The following OPCML variants were observed in gnomAD, a reference collection of about 807,000 sequenced individuals.
OPCML encodes opioid-binding protein/cell adhesion molecule.
OPCML carries 13 observed loss-of-function variants against 37.8 expected under a neutral mutation model. That is an observed-to-expected ratio of 0.34 (90% CI 0.22 to 0.55). The LOEUF (loss-of-function observed/expected upper bound fraction) is 0.55, where lower values mean the gene tolerates loss of function less well. Among genes scored for constraint, OPCML ranks in the 20% least tolerant of loss-of-function variants. The pLI is 0.91. For synonymous variants in OPCML, 176 were observed against 168.8 expected, an observed-to-expected ratio of 1.04 and a Z score of -0.33; for missense variants, 341 against 435.6, an observed-to-expected ratio of 0.78 and a Z score of 1.93.
intron 1 of OPCML, chr11:133,004,155 A>G (rs1947062980): frequency 3.0e-6 from 3 of 985,356 alleles, no homozygotes; most frequent in Non-Finnish European, 3.6e-6. Flanking sequence ...CAGCCCAGAG[A>G]GTGGGTCTCA....
chr11:133,440,246 A>G (rs1462272275), intron 1 of OPCML, among the ~76,000 whole-genome samples: 1 of 151,854 alleles, frequency 6.6e-6, no homozygotes. Context: ...TAAAAATACA[A>G]AAATTAACCA....
rs565504682 is a variant in OPCML, at chr11:133,452,577, C to T, written c.61+79687G>A. 1.5e-4 allele frequency among the ~76,000 whole-genome samples: 22 copies of T among 151,190 alleles called. 1 individual carries two copies. The highest frequency in any genetic ancestry group is 6.3e-4 in the South Asian group (3 of 4,792). ...CTTGTAGTTCCAGCACTTTGGGGGC[C>T]GAAGTAGGAGGATTGCTTGAGCCCA... On this transcript the variant is annotated intron_variant, in intron 1 of 7. Transcript: ENST00000524381.
chr11:133,455,747 A>T (rs1048363641), intron 1 of OPCML, among the ~76,000 whole-genome samples: 4 of 152,166 alleles, frequency 2.6e-5, no homozygotes, highest in East Asian at 1.9e-4. Context: ...CATTAAATAA[A>T]ATATCTGCAG....
chr11:132,774,498 C>T (rs1386549897), intron 2 of OPCML, among the ~76,000 whole-genome samples: 7 of 152,192 alleles, frequency 4.6e-5, no homozygotes, highest in African/African-American at 1.4e-4. Flanking sequence ...CTCTTTTCAT[C>T]TCCTGTTTTA....
chr11:132,567,474 T>A (rs1016852564), intron 3 of OPCML, among the ~76,000 whole-genome samples: 1 of 152,032 alleles, frequency 6.6e-6, no homozygotes, highest in Non-Finnish European at 1.5e-5. Flanking sequence ...GTGAATTTGT[T>A]ATGAAAGTGG....
chr11:132,552,624 T>C (rs748089739), intron 3 of OPCML, among the ~76,000 whole-genome samples: 2 of 152,180 alleles, frequency 1.3e-5, no homozygotes, highest in African/African-American at 4.8e-5. Context: ...ATAGCTATTA[T>C]TCCCTGCGTC....
At chr11:132,935,351 T>C (rs1478099024) in intron 2 of OPCML, among the ~76,000 whole-genome samples, 1 of 152,166 alleles carries the variant, frequency 6.6e-6, no homozygotes, top group Admixed American at 6.5e-5. Flanking sequence ...TTTGCGTAAT[T>C]ACTTCTGCAA....
intron 3 of OPCML, chr11:132,529,395 T>C (rs552609440): frequency 1.1e-5 from 2 of 179,270 alleles, no homozygotes; most frequent in African/African-American, 4.8e-5. Context: ...ACCTTGGCGA[T>C]AGCAGGAGGC....
At chr11:132,731,627 A>T (rs1170048169) in intron 2 of OPCML, among the ~76,000 whole-genome samples, 1 of 152,166 alleles carries the variant, frequency 6.6e-6, no homozygotes, top group Non-Finnish European at 1.5e-5. Context: ...GCTTGCAATG[A>T]TTTGAGTGTG....
At chr11:133,185,308 A>G (rs1467256232) in intron 1 of OPCML, among the ~76,000 whole-genome samples, 2 of 152,216 alleles carry the variant, frequency 1.3e-5, no homozygotes, top group Non-Finnish European at 2.9e-5. Context: ...CCCACACTAA[A>G]AGGTCTTTTA....
intron 2 of OPCML, among the ~76,000 whole-genome samples, chr11:132,743,143 T>A (rs1945491913): frequency 6.6e-6 from 1 of 152,182 alleles, no homozygotes; most frequent in Non-Finnish European, 1.5e-5. Context: ...ATGGACTTCC[T>A]CTTTCACATT....
intron 1 of OPCML, among the ~76,000 whole-genome samples, chr11:133,275,283 G>A (rs562128132): frequency 6.6e-6 from 1 of 152,232 alleles, no homozygotes; most frequent in Non-Finnish European, 1.5e-5. Context: ...TTATAGATCA[G>A]TAAAATTTAA....
intron 4 of OPCML, among the ~76,000 whole-genome samples, chr11:132,508,579 G>C (rs2096262430): frequency 6.6e-6 from 1 of 152,124 alleles, no homozygotes; most frequent in Non-Finnish European, 1.5e-5. Flanking sequence ...CCCATGTGTT[G>C]TGGGAGGGAC....
At chr11:132,548,919 A>T (rs1182450719) in intron 3 of OPCML, among the ~76,000 whole-genome samples, 2 of 152,202 alleles carry the variant, frequency 1.3e-5, no homozygotes, top group Non-Finnish European at 2.9e-5. Flanking sequence ...ATACAAAGAG[A>T]CAATATTATC....
intron 3 of OPCML, among the ~76,000 whole-genome samples, chr11:132,598,378 T>C (rs973286985): frequency 1.3e-5 from 2 of 152,196 alleles, no homozygotes; most frequent in Admixed American, 1.3e-4. Flanking sequence ...AGACACTCAA[T>C]GAATTTTTTT....
chr11:132,721,402 C>T (rs374822121), intron 2 of OPCML, among the ~76,000 whole-genome samples: 190 of 152,138 alleles, frequency 1.2e-3, no homozygotes, highest in South Asian at 5.2e-3. Flanking sequence ...TGAAGCTCTG[C>T]GGAGGAACAG....
At chr11:133,420,907 A>G (rs1945872262) in intron 1 of OPCML, 3 of 985,402 alleles carry the variant, frequency 3.0e-6, no homozygotes, top group Non-Finnish European at 3.6e-6. Flanking sequence ...CAAGGAAAAC[A>G]GTAAAAAGGA....
chr11:132,561,319 A>G (rs2096410203), intron 3 of OPCML, among the ~76,000 whole-genome samples: 1 of 152,196 alleles, frequency 6.6e-6, no homozygotes, highest in South Asian at 2.1e-4. Flanking sequence ...TTTCTAAGCC[A>G]CTATTAAGTT....
Position 133,127,886 on chromosome 11 carries a change from G to A in OPCML, c.62-184876C>T, listed in dbSNP as rs188798336. Among the ~76,000 whole-genome samples the A allele has an allele frequency of 4.1e-3, 626 of 152,086 alleles. 4 individuals are homozygous for A. Among genetic ancestry groups the A allele is most frequent in the African/African-American group, 0.014 (579 of 41,498 alleles). ...TAAATGATAACACAGGCTTCCAAACGGGGCTCTGAGTGACGGGTCTGGTTG... is the reference window on the plus strand; with the variant it reads ...TAAATGATAACACAGGCTTCCAAACAGGGCTCTGAGTGACGGGTCTGGTTG... On this transcript the variant is annotated intron_variant, in intron 1 of 7. Coordinates refer to ENST00000524381, the MANE Select transcript of OPCML (RefSeq NM_001012393.5).
Sources: gnomAD v4.1 joint callset for allele counts (sites outside exome capture counted in the v4.1 genomes callset) on GRCh38, gnomAD v4.1.1 for gene constraint, MANE v1.5 for transcripts, NCBI Gene and HGNC (gene_info 2026-07-23, HGNC 2026-07-21) for gene names.